GTF2IRD1: variants seen among roughly 807,000 people sequenced by gnomAD.
GTF2IRD1 encodes the protein general transcription factor II-I repeat domain-containing protein 1.
Under a neutral mutation model 113.2 loss-of-function variants are expected in GTF2IRD1, and 26 were observed. The observed-to-expected ratio is 0.23, with a 90% CI of 0.17 to 0.32. The LOEUF (loss-of-function observed/expected upper bound fraction) is 0.32, where lower values mean the gene tolerates loss of function less well. Among genes scored for constraint, GTF2IRD1 ranks in the 10% least tolerant of loss-of-function variants. The pLI, the probability that GTF2IRD1 is intolerant of heterozygous loss-of-function variation, is 1.00. For synonymous variants in GTF2IRD1, 484 were observed against 529.1 expected (o/e 0.91, Z 1.17); for missense variants, 864 against 1,280.8 (o/e 0.67, Z 4.97).
chr7:74,507,768 A>G (rs1169490337), intron 1 of GTF2IRD1: 5 of 296,898 alleles, frequency 1.7e-5, no homozygotes, highest in East Asian at 1.6e-4. Flanking sequence ...TGTGGCCAGA[A>G]TTGCACACGC....
intron 16 of GTF2IRD1, 92 bp downstream of exon 16, chr7:74,545,901 G>C (rs1206169501): frequency 2.2e-6 from 2 of 909,440 alleles, no homozygotes; most frequent in Non-Finnish European, 3.7e-6. Context: ...CCCCTTGCCT[G>C]TTCCCATCCC....
Position 74,518,161 on chromosome 7 carries a change from T to C in GTF2IRD1, c.444T>C (p.Ser148=), listed in dbSNP as rs371597742. 140 of 1,599,644 alleles carry C rather than the reference T, an allele frequency of 8.8e-5. No individual in the cohort carries two copies. The highest frequency in any genetic ancestry group is 1.1e-4 in the African/African-American group (8 of 74,562). ...CAGGCGAGGCCCTGGGAAGGGCCAG[T>C]GTGGTGCCACTGCCCTATGAGAGGC... The part of the protein sequence containing the change: ...VLYSEALGRA[S]VVPLPYERLL... The change falls in exon 5 of 27, where the codon AGT becomes AGC. Residue 148 remains serine (S), a synonymous_variant. Transcript: ENST00000424337.
chr7:74,462,874 G>A (rs1235456514), intron 1 of GTF2IRD1, among the ~76,000 whole-genome samples: 2 of 152,260 alleles, frequency 1.3e-5, no homozygotes, highest in Non-Finnish European at 2.9e-5. Flanking sequence ...GGCCCCATGC[G>A]ATCCTCCCGC....
At chr7:74,498,990 A>G (rs1795876513) in intron 1 of GTF2IRD1, among the ~76,000 whole-genome samples, 1 of 152,150 alleles carries the variant, frequency 6.6e-6, no homozygotes, top group African/African-American at 2.4e-5. Context: ...TCTGCCTCCC[A>G]AAGTGCTGGG....
intron 2 of GTF2IRD1, among the ~76,000 whole-genome samples, chr7:74,511,760 G>C (rs971413552): frequency 1.5e-4 from 23 of 152,174 alleles, no homozygotes; most frequent in Non-Finnish European, 2.9e-5. Flanking sequence ...ACCTGACTCA[G>C]ATGAAAACCA....
chr7:74,524,517 G>A (rs1299842387), intron 8 of GTF2IRD1, among the ~76,000 whole-genome samples: 1 of 152,112 alleles, frequency 6.6e-6, no homozygotes, highest in Non-Finnish European at 1.5e-5. Flanking sequence ...CTGAGGCCGG[G>A]AGTTCAAGAC....
intron 26 of GTF2IRD1, chr7:74,601,864 G>T (rs1291690712): frequency 5.9e-6 from 1 of 168,344 alleles, no homozygotes; most frequent in East Asian, 1.6e-4. Flanking sequence ...GATCATTTGA[G>T]CCCAAGGGGA....
At chr7:74,562,690 C>G (rs1800052671) in intron 22 of GTF2IRD1, among the ~76,000 whole-genome samples, 2 of 150,132 alleles carry the variant, frequency 1.3e-5, no homozygotes, top group African/African-American at 4.9e-5. Flanking sequence ...GCCTCAGCCT[C>G]CTGAGTAGCT....
rs201452362 is a variant in GTF2IRD1 at position 74,599,814 on chromosome 7, C to T, written c.2630-1230C>T. 1.1e-3 allele frequency among the ~76,000 whole-genome samples: 169 copies of T among 152,236 alleles called. 1 individual carries two copies. The highest frequency in any genetic ancestry group is 1.2e-3 in the East Asian group (6 of 5,172). On this transcript the variant is annotated intron_variant, in intron 25 of 26. Coordinates refer to ENST00000424337, the MANE Select transcript of GTF2IRD1 (RefSeq NM_005685.4). ...CTGGGATTACCAGTGTGAGCCACTGCGCCTGGCCCCAGGTCCTCTTTATAC... is the reference window on the plus strand; with the variant it reads ...CTGGGATTACCAGTGTGAGCCACTGTGCCTGGCCCCAGGTCCTCTTTATAC...
chr7:74,515,411 C>G, intron 3 of GTF2IRD1, 30 bp from the exon 4 acceptor site: 1 of 1,557,556 alleles, frequency 6.4e-7, no homozygotes. Flanking sequence ...CGGGTGCTCA[C>G]TGTGGCCTCG....
Position 74,537,942 on chromosome 7 carries a change from G to A in GTF2IRD1, c.1410-194G>A, listed in dbSNP as rs1481283981. Among the ~76,000 whole-genome samples, 19 of 152,222 alleles carry A rather than the reference G, an allele frequency of 1.2e-4. 1 individual carries two copies. The highest frequency in any genetic ancestry group is 1.2e-3 in the Admixed American group (18 of 15,262). ...GCCACCCCTGGAGATTGTGGTCCCT[G>A]GAGACAAGACACGGGGAATCTGTCT... On this transcript the variant is annotated intron_variant, in intron 11 of 26. Coordinates refer to ENST00000424337, the MANE Select transcript of GTF2IRD1 (RefSeq NM_005685.4).
intron 8 of GTF2IRD1, among the ~76,000 whole-genome samples, chr7:74,524,408 C>T (rs187566105): frequency 0.018 from 2,693 of 152,000 alleles, 51 homozygotes; most frequent in Non-Finnish European, 0.028. Flanking sequence ...TGGCGGGGAG[C>T]GGGACAGGTT....
chr7:74,455,513 A>C (rs1447667779), intron 1 of GTF2IRD1, among the ~76,000 whole-genome samples: 2 of 152,088 alleles, frequency 1.3e-5, no homozygotes, highest in Non-Finnish European at 2.9e-5. Context: ...TCCAGAGGGG[A>C]AGGGCACCAG....
In GTF2IRD1 at chr7:74,512,422, C is replaced by T. The variant is rs1011650359; in HGVS notation, c.124-408C>T. On this transcript the variant is annotated intron_variant, in intron 2 of 26. Coordinates refer to ENST00000424337, the MANE Select transcript of GTF2IRD1 (RefSeq NM_005685.4). This position sits in a 1 kb window ranked among gnomAD's most constrained non-coding sequence, Gnocchi z 4.4. ...GACGTGACTTGCTCAAGTCCCACAGCAGAAGTGGCCGAGGTGGGATTGCAG... is the reference window on the plus strand; with the variant it reads ...GACGTGACTTGCTCAAGTCCCACAGTAGAAGTGGCCGAGGTGGGATTGCAG... 6.6e-6 allele frequency among the ~76,000 whole-genome samples: 1 copy of T among 152,180 alleles called. No homozygotes were observed. Among genetic ancestry groups the T allele is most frequent in the African/African-American group, 2.4e-5 (1 of 41,458 alleles).
chr7:74,466,550 C>T (rs923357271), intron 1 of GTF2IRD1, among the ~76,000 whole-genome samples: 2 of 152,116 alleles, frequency 1.3e-5, no homozygotes, highest in Non-Finnish European at 2.9e-5. Flanking sequence ...CTTCCTGGAA[C>T]GCTGCTGCCT....
At chr7:74,567,570 G>T (rs1183426875) in intron 22 of GTF2IRD1, among the ~76,000 whole-genome samples, 2 of 152,110 alleles carry the variant, frequency 1.3e-5, no homozygotes, top group African/African-American at 4.8e-5. Context: ...AAAGGCAAGT[G>T]ATTGAATCTG....
In GTF2IRD1 at chr7:74,555,550, T is replaced by C; in HGVS notation, c.2023+56T>C. 1 of 1,192,364 alleles carries C rather than the reference T, an allele frequency of 8.4e-7. No individual in the cohort carries two copies. Among genetic ancestry groups the C allele is most frequent in the Non-Finnish European group, 1.2e-6 (1 of 801,094 alleles). 73.9% of individuals were successfully genotyped at this position (1,192,364 alleles called of 1,614,324 possible). On this transcript the variant is annotated intron_variant, in intron 19 of 26. Coordinates refer to ENST00000424337, the MANE Select transcript of GTF2IRD1 (RefSeq NM_005685.4). The surrounding 1 kb of genome is among the most constrained non-coding windows in gnomAD (Gnocchi z 5.3). ...TCCCAGCACCAGGACATTGACCTGG[T>C]TTGGGTTTGGAGGGCCAGGCTGGAA...
At chr7:74,528,811 ATG>A (rs1562838576) in intron 8 of GTF2IRD1, among the ~76,000 whole-genome samples, 1 of 140,036 alleles carries the variant, frequency 7.1e-6, no homozygotes, top group Non-Finnish European at 1.5e-5. Context: ...GGGTGGATGG[ATG>A]GATGGATGGA....
chr7:74,590,937 C>T lies in GTF2IRD1; in HGVS notation c.2511C>T (p.Pro837=). Residue 837 remains proline, a synonymous_variant, in exon 24 of 27, where the codon CCC becomes CCT. Coordinates refer to ENST00000424337, the MANE Select transcript of GTF2IRD1 (RefSeq NM_005685.4). ...GLPDDIPFRN[P]NTYDIHRLEK... Reference sequence around the variant, plus strand: ...CTGATGACATCCCCTTCCGGAACCCCAACACGTACGACATCCACCGGCTGG... The same window carrying T: ...CTGATGACATCCCCTTCCGGAACCCTAACACGTACGACATCCACCGGCTGG... 6.2e-7 allele frequency: 1 copy of T among 1,613,702 alleles called. No homozygotes were observed.
Sources: allele counts gnomAD v4.1 joint callset (sites outside exome capture counted in the v4.1 genomes callset), GRCh38; gene constraint gnomAD v4.1.1; non-coding constraint Gnocchi (gnomAD v3.1); transcripts MANE v1.5; gene names NCBI Gene and HGNC (gene_info 2026-07-23, HGNC 2026-07-21).